Variants in RABGAP1L observed in about 807,000 individuals in gnomAD.
The protein encoded by RABGAP1L is RAB GTPase activating protein 1 like.
A neutral mutation model predicts 137.7 loss-of-function variants in RABGAP1L; 63 were observed. The observed-to-expected ratio is 0.46, with a 90% CI of 0.37 to 0.56. RABGAP1L has a LOEUF of 0.56. Ranked by LOEUF, RABGAP1L falls within the 20% of genes least tolerant of loss-of-function variation. RABGAP1L has a pLI of 0.00. For synonymous variants in RABGAP1L, 431 were observed against 433.7 expected, an observed-to-expected ratio of 0.99 and a Z score of 0.08; for missense variants, 1,095 against 1,244.0, an observed-to-expected ratio of 0.88 and a Z score of 1.80.
chr1:174,802,315 G>A (rs1044814611), intron 18 of RABGAP1L, among the ~76,000 whole-genome samples: 1 of 152,122 alleles, frequency 6.6e-6, no homozygotes, highest in African/African-American at 2.4e-5. Flanking sequence ...TGTGTGAAAA[G>A]CATATGCTAG....
intron 17 of RABGAP1L, among the ~76,000 whole-genome samples, chr1:174,737,168 G>A (rs983681722): frequency 6.6e-6 from 1 of 151,964 alleles, no homozygotes; most frequent in Non-Finnish European, 1.5e-5. Flanking sequence ...AAACTTCTTT[G>A]TTCTGCTTCC....
At chr1:174,463,112 C>T (rs1368491820) in intron 13 of RABGAP1L, among the ~76,000 whole-genome samples, 1 of 152,104 alleles carries the variant, frequency 6.6e-6, no homozygotes, top group African/African-American at 2.4e-5. Context: ...GGCGATTCCT[C>T]AGGGATCTAG....
intron 10 of RABGAP1L, among the ~76,000 whole-genome samples, chr1:174,284,073 GT>G (rs1168115760): frequency 1.3e-5 from 2 of 152,186 alleles, no homozygotes; most frequent in Non-Finnish European, 2.9e-5. Flanking sequence ...AATCAAGTTA[GT>G]TAACACATCT....
chr1:174,913,542 G>T (rs1417507052), intron 19 of RABGAP1L, among the ~76,000 whole-genome samples: 1 of 152,166 alleles, frequency 6.6e-6, no homozygotes, highest in Non-Finnish European at 1.5e-5. Flanking sequence ...GCCTTATTTT[G>T]TGGAAATTTT....
At chr1:174,471,403 C>G (rs1475501070) in intron 13 of RABGAP1L, among the ~76,000 whole-genome samples, 4 of 152,098 alleles carry the variant, frequency 2.6e-5, no homozygotes, top group Non-Finnish European at 1.5e-5. Context: ...CCCAGTATAC[C>G]TGTTAGTAAT....
At chr1:174,636,025 G>A (rs1557934037) in intron 13 of RABGAP1L, among the ~76,000 whole-genome samples, 2 of 152,122 alleles carry the variant, frequency 1.3e-5, no homozygotes, top group South Asian at 2.1e-4. Flanking sequence ...TTTGCAATTA[G>A]TAGTCTGATG....
intron 15 of RABGAP1L, among the ~76,000 whole-genome samples, chr1:174,698,116 GAAATACCATA>G (rs1464799759): frequency 2.0e-5 from 3 of 152,132 alleles, no homozygotes; most frequent in Non-Finnish European, 4.4e-5. Flanking sequence ...ACAAATGTAT[GAAATACCATA>G]ATCAACCAAA....
rs137944278 is a variant in RABGAP1L, at chr1:174,530,179, G to A, written c.1711-107196G>A. 1.2e-3 allele frequency among the ~76,000 whole-genome samples: 174 copies of A among 150,986 alleles called. 1 individual carries two copies. The highest frequency in any genetic ancestry group is 4.1e-3 in the African/African-American group (170 of 41,346). On this transcript the variant is annotated intron_variant, in intron 13 of 25. Coordinates refer to ENST00000681986, the MANE Select transcript of RABGAP1L (RefSeq NM_001366446.1). ...CCAGTGGCAAGGCAGCAGCACAACTGCCTTGTCACTGGGTGTACTACTTGC... is the reference window on the plus strand; with the variant it reads ...CCAGTGGCAAGGCAGCAGCACAACTACCTTGTCACTGGGTGTACTACTTGC...
At position 174,830,578 on chromosome 1, in the gene RABGAP1L, G is replaced by A. The variant is rs761230793; in HGVS notation, c.2340+18618G>A. Among the ~76,000 whole-genome samples, 11 of 147,042 alleles carry A rather than the reference G, an allele frequency of 7.5e-5. 1 individual carries two copies. The highest frequency in any genetic ancestry group is 2.7e-4 in the African/African-American group (11 of 40,198). Reference sequence around the variant, plus strand: ...TGCAACCTCTGCCTCCCAGGTTCAAGCGATTCTCCTTCCTTAGCCTCCCAA... The same window carrying A: ...TGCAACCTCTGCCTCCCAGGTTCAAACGATTCTCCTTCCTTAGCCTCCCAA... On this transcript the variant is annotated intron_variant, in intron 19 of 25. Coordinates refer to ENST00000681986, the MANE Select transcript of RABGAP1L (RefSeq NM_001366446.1).
intron 14 of RABGAP1L, among the ~76,000 whole-genome samples, chr1:174,667,934 A>T (rs1424312529): frequency 6.6e-6 from 1 of 152,172 alleles, no homozygotes; most frequent in Non-Finnish European, 1.5e-5. Context: ...CTCAGTAAAT[A>T]CTCAATTGCT....
rs1279528082 is a variant in RABGAP1L at position 174,221,114 on chromosome 1, G to A, written c.281G>A (p.Ser94Asn). ...CATTCGTTTGGAGATATTCCAGCCA[G>A]CCAAACAAATAAGCCATCTCTTCAG... The part of the protein sequence containing the change: ...SDHSFGDIPA[S>N]QTNKPSLQLI... The change falls in exon 3 of 26, where the codon AGC becomes AAC. Residue 94 changes from serine (S) to asparagine (N), a missense_variant. Transcript: ENST00000681986. The A allele has an allele frequency of 1.2e-6, 2 of 1,613,438 alleles. No homozygotes were observed. Among genetic ancestry groups the A allele is most frequent in the African/African-American group, 1.3e-5 (1 of 75,012 alleles).
chr1:174,762,807 CTTTTTTT>C (rs71563260), intron 18 of RABGAP1L, among the ~76,000 whole-genome samples: 3 of 81,810 alleles, frequency 3.7e-5, no homozygotes, highest in Non-Finnish European at 7.0e-5. Flanking sequence ...GTCTCCTTTG[CTTTTTTT>C]TTTTTTTTTT....
At chr1:174,956,164 T>C (rs1294255621) in intron 19 of RABGAP1L, among the ~76,000 whole-genome samples, 1 of 152,208 alleles carries the variant, frequency 6.6e-6, no homozygotes, top group Non-Finnish European at 1.5e-5. Flanking sequence ...GTTTACCTGC[T>C]ATTTTATAGA....
intron 18 of RABGAP1L, among the ~76,000 whole-genome samples, chr1:174,777,911 A>G (rs1380248502): frequency 1.3e-5 from 2 of 152,212 alleles, no homozygotes; most frequent in East Asian, 1.9e-4. Flanking sequence ...AAATCCTTCA[A>G]AAGGCCTAAT....
intron 13 of RABGAP1L, among the ~76,000 whole-genome samples, chr1:174,538,424 A>G (rs1330860642): frequency 2.0e-5 from 3 of 152,162 alleles, no homozygotes; most frequent in Non-Finnish European, 4.4e-5. Context: ...TCCAAACCCA[A>G]CATTGTCTAC....
chr1:174,555,528 A>G (rs1220396227), intron 13 of RABGAP1L, among the ~76,000 whole-genome samples: 1 of 148,706 alleles, frequency 6.7e-6, no homozygotes, highest in Non-Finnish European at 1.5e-5. Flanking sequence ...AGAAAAATGT[A>G]TGTCCCCCCC....
intron 13 of RABGAP1L, among the ~76,000 whole-genome samples, chr1:174,449,365 T>A (rs143259739): frequency 6.6e-6 from 1 of 152,108 alleles, no homozygotes; most frequent in Non-Finnish European, 1.5e-5. Context: ...TGGAAGAAAC[T>A]AAAGGGAAGG....
chr1:174,917,966 A>G (rs1467874619), intron 19 of RABGAP1L, among the ~76,000 whole-genome samples: 3 of 151,114 alleles, frequency 2.0e-5, no homozygotes, highest in African/African-American at 4.9e-5. Context: ...AAAAACATGT[A>G]TACGTGTATT....
intron 7 of RABGAP1L, among the ~76,000 whole-genome samples, chr1:174,257,024 T>C (rs1444318522): frequency 6.6e-6 from 1 of 152,144 alleles, no homozygotes; most frequent in East Asian, 1.9e-4. Flanking sequence ...TTGATATAGA[T>C]TCCTAAATTT....
Sources: allele counts gnomAD v4.1 joint callset (sites outside exome capture counted in the v4.1 genomes callset), GRCh38; gene constraint gnomAD v4.1.1; transcripts MANE v1.5; gene names NCBI Gene and HGNC (gene_info 2026-07-23, HGNC 2026-07-21).